ANKRD35: variants seen among roughly 807,000 people sequenced by gnomAD.
ANKRD35 encodes the protein ankyrin repeat domain-containing protein 35.
A neutral mutation model predicts 109.9 loss-of-function variants in ANKRD35; 102 were observed. The observed-to-expected ratio is 0.93, with a 90% CI of 0.79 to 1.09. The LOEUF (loss-of-function observed/expected upper bound fraction) is 1.09, where lower values mean the gene tolerates loss of function less well. ANKRD35 is among the 50% of genes least tolerant of loss of function. The probability of loss-of-function intolerance (pLI) is 0.00; values close to 1 mark genes in which losing one functional copy is unlikely to be tolerated. For synonymous variants in ANKRD35, 515 were observed against 512.4 expected (o/e 1.01, Z -0.07); for missense variants, 1,240 against 1,230.1 (o/e 1.01, Z -0.12).
At position 145,866,935 on chromosome 1, in the gene ANKRD35, A is replaced by G. The variant is rs139820583; in HGVS notation, c.*44-170T>C. Among the ~76,000 whole-genome samples the G allele has an allele frequency of 1.2e-4, 19 of 152,272 alleles. No individual in the cohort carries two copies. In the East Asian group the frequency reaches 3.7e-3, roughly 29 times the overall value. ...GATGACTGCTCTTTGAATGAATGGT[A>G]TCAAAGTGAAGAGATTCTGGATTTT... On this transcript the variant is annotated intron_variant, in intron 13 of 13. Transcript: ENST00000355594.
At position 145,873,622 on chromosome 1, in the gene ANKRD35, G is replaced by A. The variant is rs1570799275; in HGVS notation, c.1147C>T (p.Gln383Ter). 6.2e-7 allele frequency: 1 copy of A among 1,613,924 alleles called. No homozygotes were observed. Among genetic ancestry groups the A allele is most frequent in the Non-Finnish European group, 8.5e-7 (1 of 1,180,040 alleles). ...CPKDLLAEST[Q>*]ELKKQQQAAA... is the part of the protein sequence containing the mutation. ...GCCTGCTGCTGCTTCTTTAGCTCTT[G>A]TGTACTCTCAGCCAGCAGGTCCTTA... Residue 383 changes from glutamine to a stop codon, truncating the protein, a stop_gained, in exon 10 of 14, where the codon CAA becomes TAA. Transcript: ENST00000355594. LOFTEE classifies it high-confidence loss of function.
At position 145,872,292 on chromosome 1, in the gene ANKRD35, G is replaced by C; in HGVS notation, c.2477C>G (p.Ala826Gly). 6 of 1,612,308 alleles carry C rather than the reference G, an allele frequency of 3.7e-6. No homozygotes were observed. Among genetic ancestry groups the C allele is most frequent in the Non-Finnish European group, 5.1e-6 (6 of 1,179,380 alleles). Residue 826 changes from alanine to glycine, a missense_variant, in exon 10 of 14, where the codon GCC (alanine) becomes GGC (glycine). Coordinates refer to ENST00000355594, the MANE Select transcript of ANKRD35 (RefSeq NM_144698.5). ...TTGCCGTAGGCTGGCTGCCTCCCGG[G>C]CCCTTAGCTCAGCCACTTCCTCTGT... ...QATEEVAELR[A>G]REAASLRQHE...
chr1:145,874,348 G>A (rs1485437854), intron 8 of ANKRD35, among the ~76,000 whole-genome samples, 156 bp from the exon 9 acceptor site: 1 of 152,172 alleles, frequency 6.6e-6, no homozygotes, highest in East Asian at 1.9e-4. Flanking sequence ...CTTGTTTAGT[G>A]GATCCCTAAC....
At chr1:145,885,671 C>A (rs781866352) in intron 1 of ANKRD35, 49 bp downstream of exon 1, 4 of 1,597,852 alleles carry the variant, frequency 2.5e-6, no homozygotes, top group Non-Finnish European at 3.4e-6. Context: ...CTTCTGTCAC[C>A]ACAGAGCTGG....
At position 145,873,354 on chromosome 1, in the gene ANKRD35, C is replaced by G. The variant is rs587754952; in HGVS notation, c.1415G>C (p.Gly472Ala). The G allele has an allele frequency of 8.7e-6, 14 of 1,614,200 alleles. No individual in the cohort carries two copies. In the Admixed American group the frequency reaches 1.8e-4, roughly 21 times the overall value. ...AGQKESSQVL[G>A]VEPGGTVAEP... is the part of the protein sequence containing the mutation. ...AGCCACTGTGCCTCCTGGTTCAACT[C>G]CTAGAACCTGGGAACTCTCCTTCTG... The change falls in exon 10 of 14, where the codon GGA becomes GCA. Residue 472 changes from glycine (G) to alanine (A), a missense_variant. Gly to Ala is a moderately conservative substitution (Grantham distance 60, BLOSUM62 0). Transcript: ENST00000355594.
At chr1:145,876,467 G>T in intron 6 of ANKRD35, 102 bp downstream of exon 6, 2 of 1,370,958 alleles carry the variant, frequency 1.5e-6, no homozygotes, top group Non-Finnish European at 2.1e-6. Flanking sequence ...GAGAAGGGTG[G>T]TGCTAACACA....
intron 2 of ANKRD35, among the ~76,000 whole-genome samples, chr1:145,878,975 T>C (rs1489148026): frequency 6.6e-6 from 1 of 152,196 alleles, no homozygotes; most frequent in African/African-American, 2.4e-5. Context: ...AACACTCTAC[T>C]TAGTGTATAT....
Position 145,873,653 on chromosome 1 carries a change from A to C in ANKRD35, c.1116T>G (p.Gly372=), listed in dbSNP as rs1553739439. The stretch of plus-strand genomic sequence containing the variant: ...TCTCAGCCAGCAGGTCCTTAGGACA[A>C]CCCTGCTCCATGCCATCCCCTCCAG... ...LRPGGDGMEQ[G]CPKDLLAEST... Residue 372 remains glycine (G), a synonymous_variant, in exon 10 of 14, where the codon GGT becomes GGG. Transcript: ENST00000355594. 6.2e-7 allele frequency: 1 copy of C among 1,613,928 alleles called. No homozygotes were observed. Among genetic ancestry groups the C allele is most frequent in the Non-Finnish European group, 8.5e-7 (1 of 1,180,002 alleles).
Position 145,873,739 on chromosome 1 carries a change from G to A in ANKRD35, c.1030C>T (p.Leu344=). 3.7e-6 allele frequency: 6 copies of A among 1,613,626 alleles called. No homozygotes were observed. The highest frequency in any genetic ancestry group is 5.1e-6 in the Non-Finnish European group (6 of 1,179,772). Reference sequence around the variant, plus strand: ...GGCTCCCAGGATAGGAGGACCCCTAGCTCCTGCGCCTGCTCTCGAATCTGG... The same window carrying A: ...GGCTCCCAGGATAGGAGGACCCCTAACTCCTGCGCCTGCTCTCGAATCTGG... ...ENQIREQAQE[L]GVLLSWEPRA... is the part of the protein sequence containing the mutation. Residue 344 remains leucine (L), a synonymous_variant, in exon 10 of 14, where the codon CTA becomes TTA. Coordinates refer to ENST00000355594, the MANE Select transcript of ANKRD35 (RefSeq NM_144698.5).
intron 1 of ANKRD35, among the ~76,000 whole-genome samples, chr1:145,879,647 T>C (rs1553740777): frequency 6.6e-6 from 1 of 152,116 alleles, no homozygotes; most frequent in South Asian, 2.1e-4. Flanking sequence ...TAAAAATCAT[T>C]TGAGTGCTGA....
chr1:145,874,701 C>T (rs1295319103), intron 8 of ANKRD35, 121 bp downstream of exon 8: 36 of 1,230,726 alleles, frequency 2.9e-5, no homozygotes, highest in Non-Finnish European at 3.5e-5. Flanking sequence ...GCAATAAATA[C>T]GTAAACTCTC....
At chr1:145,880,446 C>G (rs1275208660) in intron 1 of ANKRD35, among the ~76,000 whole-genome samples, 1 of 152,192 alleles carries the variant, frequency 6.6e-6, no homozygotes, top group Non-Finnish European at 1.5e-5. Flanking sequence ...AGCCATTAAA[C>G]ACCTTTAACC....
chr1:145,873,330 G>A lies in ANKRD35; in HGVS notation c.1439C>T (p.Ala480Val). The A allele has an allele frequency of 7.4e-6, 12 of 1,614,180 alleles. No homozygotes were observed. Among genetic ancestry groups the A allele is most frequent in the Non-Finnish European group, 9.3e-6 (11 of 1,180,016 alleles). Residue 480 changes from alanine (A) to valine (V), a missense_variant, in exon 10 of 14, where the codon GCT becomes GTT. Transcript: ENST00000355594. ...CATGGCTGCTGGGCCCACTGGTTCA[G>A]CCACTGTGCCTCCTGGTTCAACTCC... is the stretch of plus-strand genomic sequence containing the variant. ...VLGVEPGGTV[A>V]EPVGPAAMNQ...
In ANKRD35 at chr1:145,873,527, A is replaced by G. The variant is rs1553739386; in HGVS notation, c.1242T>C (p.Tyr414=). 8.1e-6 allele frequency: 13 copies of G among 1,613,770 alleles called. No homozygotes were observed. The highest frequency in any genetic ancestry group is 9.3e-6 in the Non-Finnish European group (11 of 1,179,974). ...AEDSAPGKIQ[Y]EVHGRSQPEE... ...CTGGTTGGGACCTTCCATGGACTTC[A>G]TACTGGATCTTTCCTGGGGCTGAGT... The change falls in exon 10 of 14, where the codon TAT becomes TAC. Residue 414 remains tyrosine (Y), a synonymous_variant. Transcript: ENST00000355594.
At chr1:145,881,156 C>A (rs587738626) in intron 1 of ANKRD35, among the ~76,000 whole-genome samples, 1 of 151,984 alleles carries the variant, frequency 6.6e-6, no homozygotes, top group East Asian at 1.9e-4. Flanking sequence ...GGGTGGTGGC[C>A]GGTGCCTGTA....
intron 7 of ANKRD35, among the ~76,000 whole-genome samples, chr1:145,875,617 C>T (rs1026560924): frequency 1.3e-5 from 2 of 151,890 alleles, no homozygotes; most frequent in African/African-American, 2.4e-5. Flanking sequence ...GGTGCAATCT[C>T]GGCTCACTGC....
chr1:145,870,936 G>C (rs1653786510), intron 10 of ANKRD35, among the ~76,000 whole-genome samples: 1 of 151,668 alleles, frequency 6.6e-6, no homozygotes, highest in Non-Finnish European at 1.5e-5. Context: ...TTCTAAATTT[G>C]ACCATGTATC....
intron 12 of ANKRD35, 51 bp from the exon 13 acceptor site, chr1:145,867,443 A>T: frequency 6.5e-7 from 1 of 1,534,442 alleles, no homozygotes; most frequent in African/African-American, 1.4e-5. Flanking sequence ...GAAAATGGAG[A>T]GAGAGAGGTG....
chr1:145,868,513 T>G, intron 10 of ANKRD35, 113 bp from the exon 11 acceptor site: 1 of 841,616 alleles, frequency 1.2e-6, no homozygotes, highest in Non-Finnish European at 1.9e-6. Context: ...TTATACAAAT[T>G]GTCTCATTTA....
Sources: gnomAD v4.1 joint callset for allele counts (sites outside exome capture counted in the v4.1 genomes callset) on GRCh38, gnomAD v4.1.1 for gene constraint, MANE v1.5 for transcripts, NCBI Gene and HGNC (gene_info 2026-07-23, HGNC 2026-07-21) for gene names.